The following RAB30 variants were observed in gnomAD, a reference collection of about 807,000 sequenced individuals.
The protein encoded by RAB30 is RAB30, member RAS oncogene family.
In RAB30, 9 loss-of-function variants were observed where a neutral mutation model predicts 25.1. That is an observed-to-expected ratio of 0.36 (90% confidence interval 0.22 to 0.63). The LOEUF (loss-of-function observed/expected upper bound fraction) is 0.63, where lower values mean the gene tolerates loss of function less well. RAB30 is among the 20% of genes least tolerant of loss of function. The pLI, the probability that RAB30 is intolerant of heterozygous loss-of-function variation, is 0.69. For missense variants in RAB30, 140 were observed against 243.5 expected (o/e 0.58, Z 2.83); for synonymous variants, 77 against 86.4 (o/e 0.89, Z 0.60).
chr11:83,051,048 C>T (rs1388735257), intron 1 of RAB30, among the ~76,000 whole-genome samples: 1 of 152,170 alleles, frequency 6.6e-6, no homozygotes, highest in Non-Finnish European at 1.5e-5. Flanking sequence ...TGGGTCACAA[C>T]TAAATTATGG....
Position 83,003,485 on chromosome 11 carries a change from C to T in RAB30, c.-8-6161G>A, listed in dbSNP as rs1405079864. Among the ~76,000 whole-genome samples the T allele has an allele frequency of 2.6e-5, 4 of 152,100 alleles. No homozygotes were observed. The South Asian group carries it at 8.3e-4, about 32-fold the overall frequency. On this transcript the variant is annotated intron_variant, in intron 1 of 4. Transcript: ENST00000527633. ...TTGCCCAGGCTGGAGTGCAATGGCGCGATCTCGGCTCACCGCAACCTCTGC... is the reference window on the plus strand; with the variant it reads ...TTGCCCAGGCTGGAGTGCAATGGCGTGATCTCGGCTCACCGCAACCTCTGC...
chr11:83,046,265 A>G (rs1370268943), intron 1 of RAB30, among the ~76,000 whole-genome samples: 1 of 152,196 alleles, frequency 6.6e-6, no homozygotes, highest in Non-Finnish European at 1.5e-5. Context: ...CCTCGGGACC[A>G]AAGCTATACA....
chr11:83,004,344 C>A (rs1011193492), intron 1 of RAB30, among the ~76,000 whole-genome samples: 2 of 152,118 alleles, frequency 1.3e-5, no homozygotes, highest in African/African-American at 4.8e-5. Context: ...TAAATTTGTT[C>A]CAAATATTGC....
At chr11:83,055,525 T>C (rs947794814) in intron 1 of RAB30, among the ~76,000 whole-genome samples, 1 of 152,286 alleles carries the variant, frequency 6.6e-6, no homozygotes, top group African/African-American at 2.4e-5. Flanking sequence ...CTACCCTGTC[T>C]TGGAAGCCAT....
At chr11:83,040,423 C>T (rs1858081597) in intron 1 of RAB30, among the ~76,000 whole-genome samples, 1 of 151,960 alleles carries the variant, frequency 6.6e-6, no homozygotes, top group African/African-American at 2.4e-5. Context: ...GAAAGCCCAT[C>T]TCTACTAAAA....
intron 1 of RAB30, among the ~76,000 whole-genome samples, chr11:83,046,726 G>A (rs568705117): frequency 2.4e-4 from 37 of 152,120 alleles, no homozygotes; most frequent in South Asian, 4.2e-4. Flanking sequence ...AACTCCTGGC[G>A]TCAAGTGAAC....
At chr11:82,992,556 C>T (rs1016571770) in intron 3 of RAB30, among the ~76,000 whole-genome samples, 2 of 152,036 alleles carry the variant, frequency 1.3e-5, no homozygotes, top group African/African-American at 2.4e-5. Flanking sequence ...AGAGCATGTA[C>T]GTATGGGAGA....
chr11:82,985,617 C>CA (rs1856725325), intron 4 of RAB30, among the ~76,000 whole-genome samples: 2 of 142,522 alleles, frequency 1.4e-5, no homozygotes, highest in Admixed American at 1.4e-4. Flanking sequence ...AATGCATTAG[C>CA]AAAAAATTCT....
intron 1 of RAB30, among the ~76,000 whole-genome samples, chr11:83,033,258 G>T (rs1243349999): frequency 6.6e-6 from 1 of 151,584 alleles, no homozygotes; most frequent in Non-Finnish European, 1.5e-5. Context: ...AGAGACGGGG[G>T]TTTCACCATG....
At chr11:83,004,894 G>T (rs1179432989) in intron 1 of RAB30, among the ~76,000 whole-genome samples, 7 of 152,006 alleles carry the variant, frequency 4.6e-5, no homozygotes, top group Non-Finnish European at 1.0e-4. Flanking sequence ...TCTGTCCCTG[G>T]AAGCTCATTA....
intron 2 of RAB30, 64 bp downstream of exon 2, chr11:82,997,160 A>T: frequency 7.3e-7 from 1 of 1,366,888 alleles, no homozygotes; most frequent in Non-Finnish European, 1.0e-6. Flanking sequence ...GATTCCCCCA[A>T]CCCCTCAGGC....
At chr11:83,066,331 G>A (rs1304043717) in intron 1 of RAB30, among the ~76,000 whole-genome samples, 2 of 152,102 alleles carry the variant, frequency 1.3e-5, no homozygotes, top group Non-Finnish European at 2.9e-5. Flanking sequence ...AATAACTATT[G>A]TTCACAGTAC....
At chr11:83,012,265 T>C (rs1453105482) in intron 1 of RAB30, among the ~76,000 whole-genome samples, 1 of 152,222 alleles carries the variant, frequency 6.6e-6, no homozygotes, top group Non-Finnish European at 1.5e-5. Flanking sequence ...CCAATGCTTT[T>C]AGAAATGAAC....
At chr11:82,987,513 T>C (rs1856759185) in intron 4 of RAB30, 74 bp downstream of exon 4, 1 of 1,377,442 alleles carries the variant, frequency 7.3e-7, no homozygotes, top group Non-Finnish European at 9.9e-7. Context: ...AAGGCACCAA[T>C]GTATAAGCTT....
intron 1 of RAB30, among the ~76,000 whole-genome samples, chr11:83,059,634 T>G (rs1029071071): frequency 1.3e-5 from 2 of 152,232 alleles, no homozygotes; most frequent in African/African-American, 4.8e-5. Flanking sequence ...TGGGTTTTCA[T>G]CTGGCCACCT....
rs951685450 is a variant in RAB30 at position 82,991,356 on chromosome 11, G to A, written c.177+2683C>T. On this transcript the variant is annotated intron_variant, in intron 3 of 4. Coordinates refer to ENST00000527633, the MANE Select transcript of RAB30 (RefSeq NM_001286060.2). ...CTCTACAAAAAATAAAAATAAAAAT[G>A]AATAGCTGGGCATGGTGGCACACAC... Among the ~76,000 whole-genome samples, 12 of 151,636 alleles carry A rather than the reference G, an allele frequency of 7.9e-5. No homozygotes were observed. In the South Asian group the frequency reaches 2.5e-3, roughly 32 times the overall value.
At chr11:83,064,729 T>G (rs574402177) in intron 1 of RAB30, among the ~76,000 whole-genome samples, 1 of 152,308 alleles carries the variant, frequency 6.6e-6, no homozygotes, top group African/African-American at 2.4e-5. Context: ...CTGAAGACAT[T>G]CAGGAACGCC....
intron 1 of RAB30, among the ~76,000 whole-genome samples, chr11:83,028,112 C>T (rs1046795375): frequency 1.3e-5 from 2 of 152,072 alleles, no homozygotes; most frequent in Admixed American, 6.6e-5. Flanking sequence ...GCGGAAATAC[C>T]ATTAATATTC....
rs1190573525 is a variant in RAB30, at chr11:82,978,012, G to T, written c.*4153C>A. ...AAATGAAATCCAAAAAGAAAGTAAA[G>T]AAAACATATCCCTCCCTTATCCCAA... On this transcript the variant is annotated 3_prime_UTR_variant, in exon 5 of 5. Transcript: ENST00000527633. The T allele has an allele frequency of 1.3e-5, 2 of 152,108 alleles. No homozygotes were observed. The highest frequency in any genetic ancestry group is 4.8e-5 in the African/African-American group (2 of 41,438). The allele number at this position is 152,108 out of a possible 1,614,324, so 9.4% of individuals were successfully genotyped here. A position where few individuals can be genotyped will look rare whatever the true frequency, so the allele number is the denominator to read the frequency against.
Sources: allele counts gnomAD v4.1 joint callset (sites outside exome capture counted in the v4.1 genomes callset), GRCh38; gene constraint gnomAD v4.1.1; transcripts MANE v1.5; gene names NCBI Gene and HGNC (gene_info 2026-07-23, HGNC 2026-07-21).